Variants in BRAF observed in about 807,000 individuals in gnomAD.
BRAF encodes serine/threonine-protein kinase B-raf.
Under a neutral mutation model 104.6 loss-of-function variants are expected in BRAF, and 16 were observed. The ratio of observed to expected loss-of-function variants is 0.15; its 90% CI spans 0.10 to 0.23. The LOEUF is 0.23. Ranked by LOEUF, BRAF falls within the 10% of genes least tolerant of loss-of-function variation. BRAF has a pLI of 1.00. For missense variants in BRAF, 541 were observed against 937.3 expected, an observed-to-expected ratio of 0.58 and a Z score of 5.52; for synonymous variants, 310 against 341.6, an observed-to-expected ratio of 0.91 and a Z score of 1.02.
At chr7:140,760,589 G>A (rs1798611681) in intron 14 of BRAF, among the ~76,000 whole-genome samples, 1 of 152,068 alleles carries the variant, frequency 6.6e-6, no homozygotes, top group African/African-American at 2.4e-5. Context: ...TAACTGAAGA[G>A]AGAAGCAGGA....
chr7:140,740,034 T>C (rs972521995), intron 17 of BRAF, 88 bp from the exon 17 acceptor site: 47 of 1,386,562 alleles, frequency 3.4e-5, no homozygotes, highest in Middle Eastern at 1.8e-4. Flanking sequence ...CAATAAGCTG[T>C]ACATTTACAG....
At chr7:140,803,519 T>C (rs1803341682) in intron 5 of BRAF, among the ~76,000 whole-genome samples, 1 of 152,110 alleles carries the variant, frequency 6.6e-6, no homozygotes, top group Non-Finnish European at 1.5e-5. Flanking sequence ...CTCTTCCTAA[T>C]CTTACTAAAA....
rs1328561671 is a variant in BRAF at position 140,898,780 on chromosome 7, C to T, written c.138+25786G>A. ...TTGATTTTTCTTATAATTCTAGTAT[C>T]TCTACTTATAATTCTAGTACCTATA... On this transcript the variant is annotated intron_variant, in intron 1 of 19. Coordinates refer to ENST00000644969, the MANE Select transcript of BRAF (RefSeq NM_001374258.1). Among the ~76,000 whole-genome samples the T allele has an allele frequency of 2.6e-5, 4 of 152,164 alleles. No homozygotes were observed. The East Asian group carries it at 7.7e-4, about 29-fold the overall frequency.
chr7:140,836,855 C>T (rs1807394684), intron 2 of BRAF, among the ~76,000 whole-genome samples: 1 of 152,092 alleles, frequency 6.6e-6, no homozygotes, highest in African/African-American at 2.4e-5. Flanking sequence ...AAAGGTTCCT[C>T]CTGCATGGAT....
intron 1 of BRAF, among the ~76,000 whole-genome samples, chr7:140,868,658 T>G (rs1811233065): frequency 6.6e-6 from 1 of 152,192 alleles, no homozygotes; most frequent in Non-Finnish European, 1.5e-5. Flanking sequence ...TGGTGATGGT[T>G]GTTGTGCACA....
At chr7:140,782,249 G>A (rs1381541900) in intron 11 of BRAF, among the ~76,000 whole-genome samples, 5 of 152,176 alleles carry the variant, frequency 3.3e-5, no homozygotes, top group Non-Finnish European at 7.3e-5. Flanking sequence ...TATGGGGTAT[G>A]AGCAGGAATG....
At chr7:140,773,318 T>C (rs1335301165) in intron 14 of BRAF, 5 of 152,216 alleles carry the variant, frequency 3.3e-5, no homozygotes, top group Non-Finnish European at 7.3e-5. Context: ...TTTTGAACTA[T>C]ACAGTAATCT....
chr7:140,892,925 T>C lies in BRAF; in HGVS notation c.138+31641A>G, dbSNP rs149678270. Among the ~76,000 whole-genome samples, 5 of 152,280 alleles carry C rather than the reference T, an allele frequency of 3.3e-5. No individual in the cohort carries two copies. The South Asian group carries it at 6.2e-4, about 19-fold the overall frequency. On this transcript the variant is annotated intron_variant, in intron 1 of 19. Transcript: ENST00000644969. ...ACCAGTTCCTTTGTGAGAATAACTA[T>C]TGAACATAAGATATAAAAGGTTAAA...
intron 3 of BRAF, among the ~76,000 whole-genome samples, chr7:140,819,472 C>G (rs1021106025): frequency 1.3e-5 from 2 of 152,188 alleles, no homozygotes; most frequent in African/African-American, 4.8e-5. Context: ...TTCTGCCAGT[C>G]TCTTAAAAGG....
At chr7:140,743,284 A>T (rs7786676) in intron 17 of BRAF, among the ~76,000 whole-genome samples, 43,433 of 149,294 alleles carry the variant, frequency 0.29, 10,085 homozygotes, top group African/African-American at 0.66. Flanking sequence ...GTATGTTTAT[A>T]GCGGCACTAT....
intron 13 of BRAF, among the ~76,000 whole-genome samples, chr7:140,777,529 C>T (rs1318887884): frequency 1.3e-5 from 2 of 152,188 alleles, no homozygotes; most frequent in African/African-American, 4.8e-5. Context: ...TTGAACATAA[C>T]AGCCTTCTGT....
downstream of BRAF, among the ~76,000 whole-genome samples, chr7:140,717,143 A>C (rs1188679898): frequency 1.3e-5 from 2 of 152,246 alleles, no homozygotes; most frequent in African/African-American, 4.8e-5. Context: ...CGTTACAGCC[A>C]TCGTGACAAA....
At chr7:140,819,073 T>C (rs796843837) in intron 3 of BRAF, among the ~76,000 whole-genome samples, 3 of 152,352 alleles carry the variant, frequency 2.0e-5, no homozygotes, top group African/African-American at 4.8e-5. Context: ...GGAGAACTTG[T>C]ACATTTTCCC....
intron 1 of BRAF, chr7:140,883,928 C>T (rs1415742037): frequency 6.6e-6 from 1 of 152,126 alleles, no homozygotes; most frequent in East Asian, 1.9e-4. Flanking sequence ...GTAATCTTCC[C>T]AGCTTCATAC....
chr7:140,856,171 A>G (rs1009073623), intron 1 of BRAF, among the ~76,000 whole-genome samples: 4 of 150,898 alleles, frequency 2.7e-5, no homozygotes, highest in Admixed American at 2.0e-4. Flanking sequence ...ATCCAGTAAC[A>G]TAATACTTAA....
chr7:140,724,477 A>C lies in BRAF; in HGVS notation c.*2017T>G, dbSNP rs969596552. On this transcript the variant is annotated 3_prime_UTR_variant, in exon 20 of 20. Coordinates refer to ENST00000644969, the MANE Select transcript of BRAF (RefSeq NM_001374258.1). ...ATTATTTCCACCTTTGCAATTTCTG[A>C]ATTTTGTAAGACACTGCCCTGCTGA... 8.5e-6 allele frequency: 9 copies of C among 1,053,784 alleles called. No homozygotes were observed. Among genetic ancestry groups the C allele is most frequent in the Non-Finnish European group, 1.0e-5 (9 of 872,180 alleles). 65.3% of individuals were successfully genotyped at this position (1,053,784 alleles called of 1,614,324 possible). A position where few individuals can be genotyped will look rare whatever the true frequency, so the allele number is the denominator to read the frequency against.
At chr7:140,918,600 C>T (rs1817872158) in intron 1 of BRAF, among the ~76,000 whole-genome samples, 1 of 152,176 alleles carries the variant, frequency 6.6e-6, no homozygotes, top group Non-Finnish European at 1.5e-5. Flanking sequence ...AACCCCAAAA[C>T]AGTGTTTTTC....
chr7:140,748,397 G>GA lies in BRAF; in HGVS notation c.2112+889dup, dbSNP rs199858313. 8.4e-3 allele frequency among the ~76,000 whole-genome samples: 1,272 copies of GA among 152,168 alleles called. 7 individuals carry two copies. Among genetic ancestry groups the GA allele is most frequent in the Non-Finnish European group, 0.011 (779 of 67,956 alleles). On this transcript the variant is annotated intron_variant, in intron 17 of 19. Transcript: ENST00000644969. Reference sequence around the variant, plus strand: ...CTGTATTAGAATCACCTGGGAAACAGAAAAAAATGCAGGTGATTGGACCCT... The same window carrying GA: ...CTGTATTAGAATCACCTGGGAAACAGAAAAAAAATGCAGGTGATTGGACCCT...
In BRAF at chr7:140,721,235, G is replaced by C; in HGVS notation, c.*5259C>G. On this transcript the variant is annotated 3_prime_UTR_variant, in exon 20 of 20. Transcript: ENST00000644969. ...TTAATAAAACTTAACAGTTGAAGTTGTGGATGTTAAATAAAAGTACTTTAG... is the reference window on the plus strand; with the variant it reads ...TTAATAAAACTTAACAGTTGAAGTTCTGGATGTTAAATAAAAGTACTTTAG... 1 of 1,096,974 alleles carries C rather than the reference G, an allele frequency of 9.1e-7. No individual in the cohort carries two copies. Among genetic ancestry groups the C allele is most frequent in the Non-Finnish European group, 1.1e-6 (1 of 901,148 alleles). 68.0% of individuals were successfully genotyped at this position (1,096,974 alleles called of 1,614,324 possible).
Sources: allele counts gnomAD v4.1 joint callset (sites outside exome capture counted in the v4.1 genomes callset), GRCh38; gene constraint gnomAD v4.1.1; transcripts MANE v1.5; gene names NCBI Gene and HGNC (gene_info 2026-07-23, HGNC 2026-07-21).